The following SEZ6L variants were observed in gnomAD, a reference collection of about 807,000 sequenced individuals.
SEZ6L encodes the protein seizure related 6 homolog like.
A neutral mutation model predicts 106.2 loss-of-function variants in SEZ6L; 37 were observed. The observed-to-expected ratio is 0.35, with a 90% CI of 0.27 to 0.46. The LOEUF (loss-of-function observed/expected upper bound fraction) is 0.46, where lower values mean the gene tolerates loss of function less well. SEZ6L is among the 20% of genes least tolerant of loss of function. The probability of loss-of-function intolerance (pLI) is 1.00; values close to 1 mark genes in which losing one functional copy is unlikely to be tolerated. For missense variants in SEZ6L, 1,172 were observed against 1,332.8 expected (o/e 0.88, Z 1.88); for synonymous variants, 541 against 570.4 (o/e 0.95, Z 0.73).
At chr22:26,376,314 A>G (rs1424047068) in intron 15 of SEZ6L, among the ~76,000 whole-genome samples, 1 of 152,232 alleles carries the variant, frequency 6.6e-6, no homozygotes, top group African/African-American at 2.4e-5. Context: ...TTAGAAACTG[A>G]TAAGTGCAGG....
At chr22:26,280,874 C>T (rs1336079736) in intron 1 of SEZ6L, among the ~76,000 whole-genome samples, 1 of 152,168 alleles carries the variant, frequency 6.6e-6, no homozygotes, top group Non-Finnish European at 1.5e-5. Context: ...TTAACACATG[C>T]CCTACTTCAC....
intron 1 of SEZ6L, among the ~76,000 whole-genome samples, chr22:26,174,524 C>T (rs1401440440): frequency 6.6e-6 from 1 of 152,178 alleles, no homozygotes; most frequent in African/African-American, 2.4e-5. Context: ...CCGCGGTGTT[C>T]GCTGTTGTCC....
intron 1 of SEZ6L, among the ~76,000 whole-genome samples, chr22:26,286,459 G>A (rs568160831): frequency 5.3e-5 from 8 of 152,308 alleles, no homozygotes; most frequent in Admixed American, 5.2e-4. Context: ...GGCCACCAGG[G>A]CCTCCATCTT....
At chr22:26,195,174 C>T (rs1018864434) in intron 1 of SEZ6L, among the ~76,000 whole-genome samples, 23 of 152,218 alleles carry the variant, frequency 1.5e-4, no homozygotes, top group Non-Finnish European at 3.1e-4. Flanking sequence ...CTGGGCTTAC[C>T]TGACGTGCCA....
intron 9 of SEZ6L, among the ~76,000 whole-genome samples, chr22:26,318,333 C>G (rs1236727766): frequency 6.6e-6 from 1 of 151,560 alleles, no homozygotes; most frequent in Non-Finnish European, 1.5e-5. Context: ...CTCAGCCTCC[C>G]AAAGTGGTGG....
intron 1 of SEZ6L, among the ~76,000 whole-genome samples, chr22:26,182,283 G>T (rs935274710): frequency 6.6e-6 from 1 of 152,194 alleles, no homozygotes; most frequent in Non-Finnish European, 1.5e-5. Flanking sequence ...TTGGCTCAGT[G>T]CTTGGCGTAT....
At chr22:26,192,405 G>A (rs1353500497) in intron 1 of SEZ6L, among the ~76,000 whole-genome samples, 1 of 152,132 alleles carries the variant, frequency 6.6e-6, no homozygotes, top group African/African-American at 2.4e-5. Flanking sequence ...TTATGTTTTT[G>A]AAACTATATT....
In SEZ6L at chr22:26,173,077, T is replaced by C. The variant is rs528576167; in HGVS notation, c.94+3314T>C. 2.0e-5 allele frequency among the ~76,000 whole-genome samples: 3 copies of C among 152,266 alleles called. No individual in the cohort carries two copies. In the South Asian group the frequency reaches 6.2e-4, roughly 32 times the overall value. On this transcript the variant is annotated intron_variant, in intron 1 of 16. Coordinates refer to ENST00000248933, the MANE Select transcript of SEZ6L (RefSeq NM_021115.5). ...CATGGCCTTCAGCAGAACTATTTTATCTGAACTCCCATTTCACCATCTGAG... is the reference window on the plus strand; with the variant it reads ...CATGGCCTTCAGCAGAACTATTTTACCTGAACTCCCATTTCACCATCTGAG...
chr22:26,356,860 C>T (rs1037873631), intron 12 of SEZ6L, among the ~76,000 whole-genome samples: 2 of 151,950 alleles, frequency 1.3e-5, no homozygotes, highest in African/African-American at 2.4e-5. Context: ...TGAGTCATCA[C>T]CAAAACAAAG....
At chr22:26,321,363 C>G (rs2082148245) in intron 9 of SEZ6L, among the ~76,000 whole-genome samples, 1 of 152,194 alleles carries the variant, frequency 6.6e-6, no homozygotes, top group Non-Finnish European at 1.5e-5. Context: ...AGTAGGACAG[C>G]CTGGCGGTGA....
intron 1 of SEZ6L, among the ~76,000 whole-genome samples, chr22:26,281,358 T>TTTTC (rs1262023537): frequency 6.5e-4 from 98 of 150,020 alleles, no homozygotes; most frequent in East Asian, 3.7e-3. Context: ...GTTTCTTTTC[T>TTTTC]TTTCTTTCTT....
chr22:26,285,784 C>G (rs1303044701), intron 1 of SEZ6L, among the ~76,000 whole-genome samples: 1 of 152,208 alleles, frequency 6.6e-6, no homozygotes, highest in Admixed American at 6.5e-5. Context: ...CCAGATGTTC[C>G]TGGCTTTGTT....
At chr22:26,370,576 CCTTT>C (rs1437914747) in intron 13 of SEZ6L, among the ~76,000 whole-genome samples, 1 of 152,072 alleles carries the variant, frequency 6.6e-6, no homozygotes, top group African/African-American at 2.4e-5. Flanking sequence ...CTCCTCCATC[CCTTT>C]CTTTCTTCTC....
At chr22:26,220,219 C>G (rs565717476) in intron 1 of SEZ6L, among the ~76,000 whole-genome samples, 2 of 152,348 alleles carry the variant, frequency 1.3e-5, no homozygotes, top group African/African-American at 4.8e-5. Flanking sequence ...CATCATCATA[C>G]ATTGATCATT....
At chr22:26,375,746 G>T in intron 15 of SEZ6L, 57 bp downstream of exon 15, 1 of 1,352,958 alleles carries the variant, frequency 7.4e-7, no homozygotes, top group Non-Finnish European at 1.0e-6. Context: ...TACTCAGAGG[G>T]ACTGGGCGGT....
chr22:26,377,650 T>C, intron 15 of SEZ6L, 23 bp from the exon 16 acceptor site: 1 of 1,575,108 alleles, frequency 6.3e-7, no homozygotes, highest in Non-Finnish European at 8.7e-7. Context: ...AGAAGTAACT[T>C]CTCTCTCCTT....
chr22:26,199,008 T>A (rs560753455), intron 1 of SEZ6L, among the ~76,000 whole-genome samples: 1 of 151,878 alleles, frequency 6.6e-6, no homozygotes, highest in East Asian at 1.9e-4. Flanking sequence ...ATAAGCAGAG[T>A]CATTGGAAAC....
chr22:26,223,716 T>C (rs781079985), intron 1 of SEZ6L, among the ~76,000 whole-genome samples: 12 of 152,242 alleles, frequency 7.9e-5, no homozygotes, highest in Non-Finnish European at 1.8e-4. Flanking sequence ...AAATAATGCA[T>C]ATAAAACACT....
chr22:26,328,285 A>C (rs187351938), intron 9 of SEZ6L, among the ~76,000 whole-genome samples: 292 of 152,340 alleles, frequency 1.9e-3, no homozygotes, highest in African/African-American at 6.6e-3. Flanking sequence ...GCCCCTCAGC[A>C]GGGTGCCTAG....
Sources: gnomAD v4.1 joint callset for allele counts (sites outside exome capture counted in the v4.1 genomes callset) on GRCh38, gnomAD v4.1.1 for gene constraint, MANE v1.5 for transcripts, NCBI Gene and HGNC (gene_info 2026-07-23, HGNC 2026-07-21) for gene names.